The following MCFD2 variants were observed in gnomAD, a reference collection of about 807,000 sequenced individuals.
The protein encoded by MCFD2 is multiple coagulation factor deficiency protein 2.
In MCFD2, 11 loss-of-function variants were observed where a neutral mutation model predicts 12.8. The observed-to-expected ratio is 0.86, with a 90% CI of 0.54 to 1.42. The LOEUF is 1.42. MCFD2 is among the 40% of genes most tolerant of loss of function. The pLI is 0.00. For synonymous variants in MCFD2, 70 were observed against 68.1 expected, an observed-to-expected ratio of 1.03 and a Z score of -0.14; for missense variants, 191 against 178.6, an observed-to-expected ratio of 1.07 and a Z score of -0.40.
chr2:46,906,028 A>C (rs764671180), intron 3 of MCFD2: 1 of 471,114 alleles, frequency 2.1e-6, no homozygotes. Context: ...AGTTGGCATC[A>C]AAACAAGAGG....
chr2:46,922,708 G>A lies in MCFD2; in HGVS notation c.-7-14739C>T, dbSNP rs763638678. ...TCTCTCACTCAACAACAAAAAACAC[G>A]GAAGACATCTCTACCAAAATGTGGG... On this transcript the variant is annotated intron_variant, in intron 1 of 2. Coordinates refer to the MCFD2 transcript ENST00000409147. Among the ~76,000 whole-genome samples the A allele has an allele frequency of 5.3e-5, 8 of 152,120 alleles. No individual in the cohort carries two copies. In the East Asian group the frequency reaches 1.2e-3, roughly 22 times the overall value.
At chr2:46,919,758 A>C (rs978372076), upstream of MCFD2, among the ~76,000 whole-genome samples, 1 of 152,212 alleles carries the variant, frequency 6.6e-6, no homozygotes, top group South Asian at 2.1e-4. Flanking sequence ...AGAGGAAAAA[A>C]CAAGGGTGCG....
upstream of MCFD2, chr2:46,917,049 A>C (rs922146598): frequency 1.6e-6 from 1 of 622,874 alleles, no homozygotes; most frequent in African/African-American, 1.9e-5. Flanking sequence ...AAGTAGTTAG[A>C]TGCCTTGAAA....
upstream of MCFD2, chr2:46,915,966 A>G (rs970499093): frequency 1.0e-6 from 1 of 985,264 alleles, no homozygotes; most frequent in Admixed American, 6.1e-5. Context: ...GGCGGGACTG[A>G]CGCAGTTCTT....
At chr2:46,928,162 G>A (rs1669497464) in intron 1 of MCFD2, among the ~76,000 whole-genome samples, 1 of 151,872 alleles carries the variant, frequency 6.6e-6, no homozygotes, top group Admixed American at 6.6e-5. Context: ...AAAGTGCCGG[G>A]ATTACAGGCG....
At chr2:46,913,392 AAG>A (rs371469358) in intron 1 of MCFD2, among the ~76,000 whole-genome samples, 17 of 151,302 alleles carry the variant, frequency 1.1e-4, no homozygotes, top group African/African-American at 2.9e-4. Flanking sequence ...TAATTAGAAA[AAG>A]AGAGAGAGAG....
At chr2:46,927,189 T>G (rs1201498201) in intron 1 of MCFD2, among the ~76,000 whole-genome samples, 2 of 151,688 alleles carry the variant, frequency 1.3e-5, no homozygotes, top group East Asian at 1.9e-4. Flanking sequence ...TTTGAAGAGA[T>G]AATATCTAAA....
intron 1 of MCFD2, among the ~76,000 whole-genome samples, chr2:46,923,900 T>C (rs2103813309): frequency 6.6e-6 from 1 of 152,084 alleles, no homozygotes; most frequent in African/African-American, 2.4e-5. Context: ...GCCCAGCTAA[T>C]TTTCTTTGTA....
Position 46,941,422 on chromosome 2 carries a change from G to T in MCFD2, c.-8+150C>A. On this transcript the variant is annotated intron_variant, in intron 1 of 2. Transcript: ENST00000409147. The surrounding 1 kb of genome is among the most constrained non-coding windows in gnomAD (Gnocchi z 4.2). ...CGCCCGGGCCCCCGCTGCCGCCCGGGCCCCGGCTGCCGTCTGCGCCCCCGT... is the reference window on the plus strand; with the variant it reads ...CGCCCGGGCCCCCGCTGCCGCCCGGTCCCCGGCTGCCGTCTGCGCCCCCGT... 1.8e-6 allele frequency: 2 copies of T among 1,088,666 alleles called. No homozygotes were observed. The highest frequency in any genetic ancestry group is 4.1e-5 in the South Asian group (1 of 24,098). 67.4% of individuals were successfully genotyped at this position (1,088,666 alleles called of 1,614,324 possible).
In MCFD2 at chr2:46,908,518, C is replaced by T. The variant is rs1445153673; in HGVS notation, c.149+505G>A. 3.9e-6 allele frequency: 1 copy of T among 257,244 alleles called. No homozygotes were observed. The highest frequency in any genetic ancestry group is 4.4e-5 in the South Asian group (1 of 22,486). 15.9% of individuals were successfully genotyped at this position (257,244 alleles called of 1,614,324 possible). ...GGCTCAAGTAATCCACCTGCCTCAG[C>T]CTCCCAAAGCACTGGGATTACAGGT... On this transcript the variant is annotated intron_variant, in intron 2 of 3. Coordinates refer to ENST00000319466, the MANE Select transcript of MCFD2 (RefSeq NM_139279.6). This position sits in a 1 kb window ranked among gnomAD's most constrained non-coding sequence, Gnocchi z 4.5.
chr2:46,902,947 T>C lies in MCFD2; in HGVS notation c.*2516A>G, dbSNP rs1668070254. On this transcript the variant is annotated 3_prime_UTR_variant, in exon 4 of 4. Transcript: ENST00000319466. ...AATTAAGAAACTAGCAGTATTCTAC[T>C]ACAGTCAAGTTCCTGAGTACTCAGC... The C allele has an allele frequency of 6.6e-6, 1 of 152,260 alleles. No individual in the cohort carries two copies. The highest frequency in any genetic ancestry group is 2.4e-5 in the African/African-American group (1 of 41,468). 9.4% of individuals were successfully genotyped at this position (152,260 alleles called of 1,614,324 possible).
rs1017562870 is a variant in MCFD2, at chr2:46,905,793, A to C, written c.310-199T>G. 5 of 641,888 alleles carry C rather than the reference A, an allele frequency of 7.8e-6. No homozygotes were observed. The African/African-American group carries it at 9.2e-5, about 12-fold the overall frequency. The allele number at this position is 641,888 out of a possible 1,614,324, so 39.8% of individuals were successfully genotyped here. A position where few individuals can be genotyped will look rare whatever the true frequency, so the allele number is the denominator to read the frequency against. On this transcript the variant is annotated intron_variant, in intron 3 of 3. Coordinates refer to ENST00000319466, the MANE Select transcript of MCFD2 (RefSeq NM_139279.6). ...ATGGAGTATGGGGCTACTTCTAGGA[A>C]TCTAGATATATAGAGAGAGAATATG...
At chr2:46,922,722 C>A (rs924439613) in intron 1 of MCFD2, among the ~76,000 whole-genome samples, 1 of 152,110 alleles carries the variant, frequency 6.6e-6, no homozygotes. Context: ...GACATCTCTA[C>A]CAAAATGTGG....
chr2:46,921,398 A>G (rs1315691491), intron 1 of MCFD2, among the ~76,000 whole-genome samples: 6 of 152,226 alleles, frequency 3.9e-5, no homozygotes, highest in South Asian at 2.1e-4. Context: ...AAATACCATT[A>G]TAATAGCATC....
chr2:46,924,461 T>C (rs2103815362), intron 1 of MCFD2, among the ~76,000 whole-genome samples: 1 of 152,278 alleles, frequency 6.6e-6, no homozygotes, highest in African/African-American at 2.4e-5. Flanking sequence ...TTGTGAAGAA[T>C]TTATATTTTG....
At chr2:46,932,518 C>T (rs1305413032) in intron 1 of MCFD2, among the ~76,000 whole-genome samples, 2 of 152,062 alleles carry the variant, frequency 1.3e-5, no homozygotes, top group Non-Finnish European at 1.5e-5. Context: ...CATCTATGCA[C>T]TTTCTTTTGT....
upstream of MCFD2, chr2:46,917,070 G>A (rs1035529578): frequency 9.2e-6 from 6 of 654,278 alleles, no homozygotes; most frequent in African/African-American, 7.3e-5. Flanking sequence ...GTTGCCTAAC[G>A]CCACTGCCAT....
chr2:46,923,515 G>C (rs1669216312), intron 1 of MCFD2, among the ~76,000 whole-genome samples: 1 of 152,190 alleles, frequency 6.6e-6, no homozygotes, highest in South Asian at 2.1e-4. Flanking sequence ...GCCTTGGAGA[G>C]TCCTAGCCAT....
chr2:46,941,437 T>C lies in MCFD2; in HGVS notation c.-8+135A>G. 3 of 1,251,768 alleles carry C rather than the reference T, an allele frequency of 2.4e-6. No homozygotes were observed. Among genetic ancestry groups the C allele is most frequent in the South Asian group, 2.4e-5 (1 of 41,706 alleles). The allele number at this position is 1,251,768 out of a possible 1,614,324, so 77.5% of individuals were successfully genotyped here. The stretch of plus-strand genomic sequence containing the variant: ...TGCCGCCCGGGCCCCGGCTGCCGTC[T>C]GCGCCCCCGTCGACCCCGCCCGCGA... On this transcript the variant is annotated intron_variant, in intron 1 of 2. Transcript: ENST00000409147. The surrounding 1 kb of genome is among the most constrained non-coding windows in gnomAD (Gnocchi z 4.2).
Sources: allele counts gnomAD v4.1 joint callset (sites outside exome capture counted in the v4.1 genomes callset), GRCh38; gene constraint gnomAD v4.1.1; non-coding constraint Gnocchi (gnomAD v3.1); transcripts MANE v1.5; gene names NCBI Gene and HGNC (gene_info 2026-07-23, HGNC 2026-07-21).